The following ASH1L variants were observed in gnomAD, a reference collection of about 807,000 sequenced individuals.
The protein encoded by ASH1L is histone-lysine N-methyltransferase ASH1L.
A neutral mutation model predicts 269.0 loss-of-function variants in ASH1L; 23 were observed. The observed-to-expected ratio is 0.09, with a 90% CI of 0.06 to 0.12. The LOEUF (loss-of-function observed/expected upper bound fraction) is 0.12. Among genes scored for constraint, ASH1L ranks in the 10% least tolerant of loss-of-function variants. The pLI is 1.00. For missense variants in ASH1L, 2,912 were observed against 3,567.8 expected (o/e 0.82, Z 4.68); for synonymous variants, 1,187 against 1,253.5 (o/e 0.95, Z 1.12).
chr1:155,554,443 T>A (rs1481704058), intron 1 of ASH1L, among the ~76,000 whole-genome samples: 1 of 152,098 alleles, frequency 6.6e-6, no homozygotes, highest in Non-Finnish European at 1.5e-5. Context: ...GGGCTAATTT[T>A]GTATTTTTAG....
At chr1:155,443,245 G>T (rs1014271315) in intron 4 of ASH1L, among the ~76,000 whole-genome samples, 1 of 152,140 alleles carries the variant, frequency 6.6e-6, no homozygotes, top group East Asian at 1.9e-4. Context: ...GTTTAAAAGA[G>T]AATCCTAAAA....
rs548754834 is a variant in ASH1L, at chr1:155,545,101, G to A, written c.-100+17052C>T. 5.1e-4 allele frequency among the ~76,000 whole-genome samples: 72 copies of A among 139,886 alleles called. 2 individuals carry two copies. In the South Asian group the frequency reaches 0.016, roughly 31 times the overall value. 91.8% of individuals were successfully genotyped at this position (139,886 alleles called of 152,430 possible). ...GCAGGAGAATCGCTTGAACCCGGGA[G>A]GCAGAGGTTGCGGTGAGCCGAGATC... is the stretch of plus-strand genomic sequence containing the variant. On this transcript the variant is annotated intron_variant, in intron 1 of 27. Transcript: ENST00000392403.
intron 2 of ASH1L, among the ~76,000 whole-genome samples, chr1:155,511,087 G>C (rs1668131615): frequency 6.6e-6 from 1 of 152,058 alleles, no homozygotes; most frequent in South Asian, 2.1e-4. Flanking sequence ...AACATACTAT[G>C]CATTAACCAT....
intron 2 of ASH1L, among the ~76,000 whole-genome samples, chr1:155,501,908 G>A (rs994265068): frequency 6.6e-6 from 1 of 151,966 alleles, no homozygotes. Flanking sequence ...TGATCCGCCT[G>A]CCTCAACCTC....
intron 5 of ASH1L, among the ~76,000 whole-genome samples, chr1:155,423,294 T>C (rs370549192): frequency 3.2e-4 from 48 of 149,348 alleles, no homozygotes; most frequent in African/African-American, 1.1e-3. Flanking sequence ...AAAAACTGCA[T>C]TTTCGGCCAG....
chr1:155,479,468 T>G lies in ASH1L; in HGVS notation c.3402A>C (p.Pro1134=). ...DAGFVEPSSV[P]YLHLHSRQGS... is the part of the protein sequence containing the mutation. ...CCTGTCTGGAGTGTAAATGCAAATA[T>G]GGCACTGAACTGGGTTCAACAAAAC... The change falls in exon 3 of 28, where the codon CCA becomes CCC. Residue 1134 remains proline (P), a synonymous_variant. Coordinates refer to ENST00000392403, the MANE Select transcript of ASH1L (RefSeq NM_018489.3). 6.2e-7 allele frequency: 1 copy of G among 1,614,182 alleles called. No individual in the cohort carries two copies. The highest frequency in any genetic ancestry group is 8.5e-7 in the Non-Finnish European group (1 of 1,180,026).
rs370167477 is a variant in ASH1L, at chr1:155,369,941, TG to T, written c.6686+562del. On this transcript the variant is annotated intron_variant, in intron 12 of 27. Coordinates refer to ENST00000392403, the MANE Select transcript of ASH1L (RefSeq NM_018489.3). ...CACGCTACCATGAGTGGCTAATTTT[TG>T]TATGTTTAGTAGAGATGGGTTTCAC... 2.7e-3 allele frequency among the ~76,000 whole-genome samples: 418 copies of T among 152,256 alleles called. 22 individuals are homozygous for T. In the South Asian group the frequency reaches 0.084, roughly 30 times the overall value.
chr1:155,524,438 C>A (rs562197145), intron 1 of ASH1L, among the ~76,000 whole-genome samples: 3 of 149,552 alleles, frequency 2.0e-5, no homozygotes, highest in East Asian at 2.0e-4. Context: ...AGGAGAATGG[C>A]GTGAATCTGG....
intron 1 of ASH1L, among the ~76,000 whole-genome samples, chr1:155,522,064 TAC>T (rs1668924169): frequency 6.6e-6 from 1 of 152,226 alleles, no homozygotes; most frequent in African/African-American, 2.4e-5. Context: ...ATGTGATTAT[TAC>T]ACATTGTATG....
chr1:155,345,551 G>A (rs755819994), intron 21 of ASH1L, among the ~76,000 whole-genome samples: 6 of 149,270 alleles, frequency 4.0e-5, no homozygotes, highest in African/African-American at 4.9e-5. Context: ...GGGATTATAG[G>A]TGTGAGCCAC....
At chr1:155,537,134 C>T (rs1395182536) in intron 1 of ASH1L, among the ~76,000 whole-genome samples, 3 of 151,996 alleles carry the variant, frequency 2.0e-5, no homozygotes, top group African/African-American at 7.2e-5. Flanking sequence ...GAAGTCAAAA[C>T]TCCCTAAAAC....
intron 6 of ASH1L, among the ~76,000 whole-genome samples, chr1:155,406,286 A>T (rs1345364971): frequency 6.6e-6 from 1 of 152,086 alleles, no homozygotes; most frequent in African/African-American, 2.4e-5. Context: ...TTTTTTGCAG[A>T]AATAGATAAG....
chr1:155,508,068 C>T (rs1201092288), intron 2 of ASH1L, among the ~76,000 whole-genome samples: 3 of 150,732 alleles, frequency 2.0e-5, no homozygotes, highest in Non-Finnish European at 2.9e-5. Context: ...ACTCCAAAAA[C>T]GGAATTTTCT....
intron 17 of ASH1L, among the ~76,000 whole-genome samples, chr1:155,351,124 A>C (rs1243160998): frequency 6.6e-6 from 1 of 151,508 alleles, no homozygotes; most frequent in East Asian, 1.9e-4. Context: ...ACACGCCTGC[A>C]ATCCCAGCTA....
intron 5 of ASH1L, among the ~76,000 whole-genome samples, chr1:155,419,688 C>T (rs1170174021): frequency 6.6e-6 from 1 of 152,138 alleles, no homozygotes; most frequent in African/African-American, 2.4e-5. Flanking sequence ...TGATTTGCCT[C>T]ATATGTACAG....
At chr1:155,376,724 G>A (rs1656482596) in intron 10 of ASH1L, among the ~76,000 whole-genome samples, 2 of 149,374 alleles carry the variant, frequency 1.3e-5, no homozygotes, top group African/African-American at 4.9e-5. Context: ...GCATGGTGGG[G>A]GGCACCTGTA....
intron 1 of ASH1L, among the ~76,000 whole-genome samples, chr1:155,544,537 T>C (rs1670661837): frequency 6.6e-6 from 1 of 152,000 alleles, no homozygotes; most frequent in Non-Finnish European, 1.5e-5. Context: ...TCTGCCCGCC[T>C]CAGCCTCCCA....
intron 12 of ASH1L, among the ~76,000 whole-genome samples, chr1:155,362,032 G>T (rs958455319): frequency 2.6e-5 from 4 of 151,652 alleles, no homozygotes; most frequent in Non-Finnish European, 5.9e-5. Flanking sequence ...AGGATTTTAG[G>T]TGTTTTTTTG....
chr1:155,491,669 TTCTC>T (rs893342854), intron 2 of ASH1L, among the ~76,000 whole-genome samples: 3 of 152,188 alleles, frequency 2.0e-5, no homozygotes, highest in Admixed American at 6.5e-5. Context: ...TTGGGGTTTT[TTCTC>T]TCTCTCATTT....
Sources: gnomAD v4.1 joint callset for allele counts (sites outside exome capture counted in the v4.1 genomes callset) on GRCh38, gnomAD v4.1.1 for gene constraint, MANE v1.5 for transcripts, NCBI Gene and HGNC (gene_info 2026-07-23, HGNC 2026-07-21) for gene names.